The following ATP1A3 variants were observed in gnomAD, a reference collection of about 807,000 sequenced individuals.
ATP1A3 encodes ATPase Na+/K+ transporting subunit alpha 3, also known as sodium/potassium-transporting ATPase subunit alpha-3.
ATP1A3 carries 12 observed loss-of-function variants against 108.8 expected under a neutral mutation model. The ratio of observed to expected loss-of-function variants is 0.11; its 90% CI spans 0.07 to 0.18. The LOEUF is 0.18. Among genes scored for constraint, ATP1A3 ranks in the 10% least tolerant of loss-of-function variants. ATP1A3 has a pLI of 1.00. For synonymous variants in ATP1A3, 539 were observed against 564.5 expected, an observed-to-expected ratio of 0.95 and a Z score of 0.64; for missense variants, 498 against 1,387.7, an observed-to-expected ratio of 0.36 and a Z score of 10.19.
At chr19:41,972,445 A>T (rs1251244791) in intron 16 of ATP1A3, among the ~76,000 whole-genome samples, 4 of 151,590 alleles carry the variant, frequency 2.6e-5, no homozygotes, top group African/African-American at 9.7e-5. Context: ...AAGTAAAAAG[A>T]TTAGCCCATG....
chr19:41,973,956 C>G (rs554275925), intron 16 of ATP1A3, among the ~76,000 whole-genome samples: 4 of 152,088 alleles, frequency 2.6e-5, no homozygotes, highest in Non-Finnish European at 5.9e-5. Flanking sequence ...CCTCGCTGGG[C>G]GAGGTGGCTC....
At position 41,967,386 on chromosome 19, in the gene ATP1A3, G is replaced by A. The variant is rs533977917; in HGVS notation, c.2922-46C>T. On this transcript the variant is annotated intron_variant, in intron 21 of 22. Coordinates refer to ENST00000648268, the MANE Select transcript of ATP1A3 (RefSeq NM_152296.5). This position sits in a 1 kb window ranked among gnomAD's most constrained non-coding sequence, Gnocchi z 4.2. Reference sequence around the variant, plus strand: ...GGGCTTGAGTGCGGGGCCCTAACGAGAGGCAGAGTTTCAGGGGACTGGAGG... The same window carrying A: ...GGGCTTGAGTGCGGGGCCCTAACGAAAGGCAGAGTTTCAGGGGACTGGAGG... 62 of 1,583,406 alleles carry A rather than the reference G, an allele frequency of 3.9e-5. No individual in the cohort carries two copies. In the South Asian group the frequency reaches 6.1e-4, roughly 16 times the overall value.
rs1303358179 is a variant in ATP1A3, at chr19:41,981,370, T to C, written c.1437+132A>G. The C allele has an allele frequency of 7.0e-7, 1 of 1,425,222 alleles. No individual in the cohort carries two copies. The highest frequency in any genetic ancestry group is 1.8e-4 in the Middle Eastern group (1 of 5,424). 88.3% of individuals were successfully genotyped at this position (1,425,222 alleles called of 1,614,324 possible). ...GGCTCCCACTCTCAAGCTCTCCCTGTTCCTCTCCCCACCAGGCGGGTATTA... is the reference window on the plus strand; with the variant it reads ...GGCTCCCACTCTCAAGCTCTCCCTGCTCCTCTCCCCACCAGGCGGGTATTA... On this transcript the variant is annotated intron_variant, in intron 11 of 22. Transcript: ENST00000648268. This position sits in a 1 kb window ranked among gnomAD's most constrained non-coding sequence, Gnocchi z 5.0.
intron 11 of ATP1A3, among the ~76,000 whole-genome samples, chr19:41,980,209 T>C (rs1183720171): frequency 2.0e-5 from 3 of 152,216 alleles, no homozygotes; most frequent in Admixed American, 2.0e-4. Context: ...GTCTGTCTTC[T>C]AGAACCAGAG....
chr19:41,970,315 G>A lies in ATP1A3; in HGVS notation c.2419-7C>T, dbSNP rs187436315. ...CCAGTGAGATGGCAGGGACCTAGGC[G>A]GAGGAGGCCGGGTGAGCCGGAGAGG... is the stretch of plus-strand genomic sequence containing the variant. On this transcript the variant is annotated splice_region_variant and splice_polypyrimidine_tract_variant and intron_variant, in intron 17 of 22. Coordinates refer to ENST00000648268, the MANE Select transcript of ATP1A3 (RefSeq NM_152296.5). 2.4e-4 allele frequency: 393 copies of A among 1,614,114 alleles called. 1 individual carries two copies. The East Asian group carries it at 7.7e-3, about 32-fold the overall frequency.
chr19:41,973,609 A>G (rs1465202711), intron 16 of ATP1A3, among the ~76,000 whole-genome samples: 1 of 151,852 alleles, frequency 6.6e-6, no homozygotes, highest in Non-Finnish European at 1.5e-5. Flanking sequence ...TTCCCTGTCC[A>G]CCCCATCTGG....
chr19:41,971,208 AGCC>A, intron 16 of ATP1A3, among the ~76,000 whole-genome samples: 1 of 150,238 alleles, frequency 6.7e-6, no homozygotes, highest in East Asian at 2.0e-4. Flanking sequence ...ATTCCATCTC[AGCC>A]TCCCGAAGTG....
intron 1 of ATP1A3, among the ~76,000 whole-genome samples, chr19:41,990,658 T>TCTCTCTCTCTCTCTC (rs1568868397): frequency 1.5e-5 from 2 of 130,598 alleles, no homozygotes; most frequent in African/African-American, 6.0e-5. Context: ...CTCTCTCTCT[T>TCTCTCTCTCTCTCTC]TCTCTCTCTC....
Position 41,978,889 on chromosome 19 carries a change from G to A in ATP1A3, c.1438-91C>T. The A allele has an allele frequency of 7.7e-7, 1 of 1,295,368 alleles. No individual in the cohort carries two copies. Among genetic ancestry groups the A allele is most frequent in the Non-Finnish European group, 1.1e-6 (1 of 914,930 alleles). 80.2% of individuals were successfully genotyped at this position (1,295,368 alleles called of 1,614,324 possible). On this transcript the variant is annotated intron_variant, in intron 11 of 22. Coordinates refer to ENST00000648268, the MANE Select transcript of ATP1A3 (RefSeq NM_152296.5). The surrounding 1 kb of genome is among the most constrained non-coding windows in gnomAD (Gnocchi z 8.3). Reference sequence around the variant, plus strand: ...CTGTCCCCTGTCCAGAGCCACGGGTGCCAGGATAGGCCCACACCAGGGCTC... The same window carrying A: ...CTGTCCCCTGTCCAGAGCCACGGGTACCAGGATAGGCCCACACCAGGGCTC...
rs373925725 is a variant in ATP1A3, at chr19:41,967,376, G to A, written c.2922-36C>T. ...GAGAGCAGGAGGGCTTGAGTGCGGG[G>A]CCCTAACGAGAGGCAGAGTTTCAGG... On this transcript the variant is annotated intron_variant, in intron 21 of 22. Transcript: ENST00000648268. This position sits in a 1 kb window ranked among gnomAD's most constrained non-coding sequence, Gnocchi z 4.2. The A allele has an allele frequency of 2.1e-4, 340 of 1,591,656 alleles. 1 individual carries two copies. The highest frequency in any genetic ancestry group is 4.7e-5 in the Non-Finnish European group (55 of 1,172,010).
intron 1 of ATP1A3, 45 bp downstream of exon 1, chr19:41,994,026 C>T (rs1555868207): frequency 1.2e-6 from 2 of 1,608,620 alleles, no homozygotes; most frequent in African/African-American, 1.3e-5. Flanking sequence ...GTCACCGGCC[C>T]CACAATGTCA....
intron 14 of ATP1A3, 65 bp downstream of exon 14, chr19:41,977,871 A>C (rs1555861901): frequency 6.3e-7 from 1 of 1,584,694 alleles, no homozygotes; most frequent in African/African-American, 1.3e-5. Flanking sequence ...GTTGGGGGGA[A>C]GCGGTCCCCC....
chr19:41,967,070 G>A lies in ATP1A3; in HGVS notation c.3014-105C>T. ...AGGGACAGAGAGGGAGAGAGACAAG[G>A]AAACCACACAGACAGAGACCCGTGA... On this transcript the variant is annotated intron_variant, in intron 22 of 22. Transcript: ENST00000648268. The surrounding 1 kb of genome is among the most constrained non-coding windows in gnomAD (Gnocchi z 4.2). 7.1e-6 allele frequency: 11 copies of A among 1,551,746 alleles called. No individual in the cohort carries two copies. The highest frequency in any genetic ancestry group is 1.7e-4 in the Middle Eastern group (1 of 5,990).
chr19:41,970,094 C>A, intron 18 of ATP1A3, 91 bp downstream of exon 18: 1 of 1,607,672 alleles, frequency 6.2e-7, no homozygotes, highest in South Asian at 1.1e-5. Context: ...TCCCCTGAGT[C>A]AATGCCAGGG....
intron 16 of ATP1A3, among the ~76,000 whole-genome samples, chr19:41,973,535 C>T (rs1038211768): frequency 3.3e-5 from 5 of 152,204 alleles, no homozygotes; most frequent in Admixed American, 2.6e-4. Flanking sequence ...GGATTACAGG[C>T]GTGAGCCCCC....
chr19:41,982,139 G>C (rs2075239380), intron 8 of ATP1A3, 33 bp from the exon 9 acceptor site: 2 of 1,613,524 alleles, frequency 1.2e-6, no homozygotes, highest in Non-Finnish European at 1.7e-6. Flanking sequence ...CAAGTTACAG[G>C]GACAAGCCCG....
chr19:41,967,909 A>G lies in ATP1A3; in HGVS notation c.2820-146T>C. 4.1e-6 allele frequency: 3 copies of G among 732,610 alleles called. No homozygotes were observed. Among genetic ancestry groups the G allele is most frequent in the South Asian group, 3.0e-5 (2 of 66,884 alleles). 45.4% of individuals were successfully genotyped at this position (732,610 alleles called of 1,614,324 possible). On this transcript the variant is annotated intron_variant, in intron 20 of 22. Coordinates refer to ENST00000648268, the MANE Select transcript of ATP1A3 (RefSeq NM_152296.5). The surrounding 1 kb of genome is among the most constrained non-coding windows in gnomAD (Gnocchi z 4.2). ...GAGAGGCAGAGACATAGGGAGAGACAGAGATGGGGAGACATGCCCCGACAG... is the reference window on the plus strand; with the variant it reads ...GAGAGGCAGAGACATAGGGAGAGACGGAGATGGGGAGACATGCCCCGACAG...
intron 14 of ATP1A3, 108 bp downstream of exon 14, chr19:41,977,828 C>A: frequency 6.6e-7 from 1 of 1,508,192 alleles, no homozygotes; most frequent in East Asian, 2.3e-5. Context: ...TGGAGGAGTC[C>A]CAGAAAGAAT....
Position 41,978,449 on chromosome 19 carries a change from T to C in ATP1A3, c.1631-123A>G. On this transcript the variant is annotated intron_variant, in intron 12 of 22. Coordinates refer to ENST00000648268, the MANE Select transcript of ATP1A3 (RefSeq NM_152296.5). The surrounding 1 kb of genome is among the most constrained non-coding windows in gnomAD (Gnocchi z 8.3). ...CAGCAAGACGGCCAGTCAGCATTCA[T>C]TTCCTAGGATACCTTCCCCTCTCAT... The C allele has an allele frequency of 8.2e-6, 12 of 1,469,342 alleles. No individual in the cohort carries two copies. The highest frequency in any genetic ancestry group is 1.1e-5 in the Non-Finnish European group (12 of 1,079,282). The allele number at this position is 1,469,342 out of a possible 1,614,324, so 91.0% of individuals were successfully genotyped here. A position where few individuals can be genotyped will look rare whatever the true frequency, so the allele number is the denominator to read the frequency against.
Sources: gnomAD v4.1 joint callset for allele counts (sites outside exome capture counted in the v4.1 genomes callset) on GRCh38, gnomAD v4.1.1 for gene constraint, Gnocchi (gnomAD v3.1) non-coding constraint, MANE v1.5 for transcripts, NCBI Gene and HGNC (gene_info 2026-07-23, HGNC 2026-07-21) for gene names.